LRRC1: variants seen among roughly 807,000 people sequenced by gnomAD.
LRRC1 encodes leucine rich repeat containing 1, also known as leucine-rich repeat-containing protein 1.
Under a neutral mutation model 69.9 loss-of-function variants are expected in LRRC1, and 28 were observed. The observed-to-expected ratio is 0.40, with a 90% CI of 0.30 to 0.55. The LOEUF is 0.55. Ranked by LOEUF, LRRC1 falls within the 20% of genes least tolerant of loss-of-function variation. The probability of loss-of-function intolerance (pLI) is 0.47; values close to 1 mark genes in which losing one functional copy is unlikely to be tolerated. For synonymous variants in LRRC1, 236 were observed against 240.2 expected, an observed-to-expected ratio of 0.98 and a Z score of 0.16; for missense variants, 498 against 609.0, an observed-to-expected ratio of 0.82 and a Z score of 1.92.
intron 1 of LRRC1, among the ~76,000 whole-genome samples, chr6:53,798,698 A>T (rs1460300902): frequency 1.3e-5 from 2 of 152,210 alleles, no homozygotes; most frequent in Admixed American, 1.3e-4. Flanking sequence ...TTCAGCACAG[A>T]ATCTCATCCT....
At chr6:53,893,661 C>G (rs1278482520) in intron 4 of LRRC1, among the ~76,000 whole-genome samples, 1 of 152,108 alleles carries the variant, frequency 6.6e-6, no homozygotes, top group Non-Finnish European at 1.5e-5. Flanking sequence ...CTAACAGTTC[C>G]AAGCATTTCA....
At position 53,874,349 on chromosome 6, in the gene LRRC1, A is replaced by G. The variant is rs546261156; in HGVS notation, c.278-4644A>G. On this transcript the variant is annotated intron_variant, in intron 2 of 13. Transcript: ENST00000370888. ...AGATTCAACTATAGATTTGACAGCT[A>G]TATATATATGATATATATATAATAT... Among the ~76,000 whole-genome samples the G allele has an allele frequency of 1.6e-3, 241 of 151,978 alleles. 2 individuals carry two copies. Among genetic ancestry groups the G allele is most frequent in the Middle Eastern group, 0.01 (3 of 294 alleles).
intron 1 of LRRC1, among the ~76,000 whole-genome samples, chr6:53,823,952 A>T (rs1765186425): frequency 6.6e-6 from 1 of 152,216 alleles, no homozygotes. Context: ...ACATGGACAT[A>T]CATTTGCATG....
intron 1 of LRRC1, among the ~76,000 whole-genome samples, chr6:53,809,179 A>G (rs960826290): frequency 6.6e-6 from 1 of 152,238 alleles, no homozygotes; most frequent in African/African-American, 2.4e-5. Flanking sequence ...TTCTCAAAGC[A>G]TATCAAGTGA....
At chr6:53,858,010 G>A (rs1253326209) in intron 2 of LRRC1, among the ~76,000 whole-genome samples, 1 of 152,230 alleles carries the variant, frequency 6.6e-6, no homozygotes, top group African/African-American at 2.4e-5. Context: ...TGGCATGGGT[G>A]TAAGCCATCC....
chr6:53,796,317 T>G (rs1416474212), intron 1 of LRRC1, among the ~76,000 whole-genome samples: 1 of 152,192 alleles, frequency 6.6e-6, no homozygotes, highest in Non-Finnish European at 1.5e-5. Context: ...GCGAACTTCT[T>G]TCAAGCTTGC....
chr6:53,912,361 G>T (rs973300114), intron 10 of LRRC1, among the ~76,000 whole-genome samples: 2 of 152,116 alleles, frequency 1.3e-5, no homozygotes, highest in Admixed American at 1.3e-4. Context: ...TCATTGGTAA[G>T]ATTTAAAAAG....
chr6:53,850,210 G>A (rs1034161236), intron 2 of LRRC1, among the ~76,000 whole-genome samples: 1 of 152,100 alleles, frequency 6.6e-6, no homozygotes, highest in African/African-American at 2.4e-5. Flanking sequence ...TGGTATAAAT[G>A]AAGTGCTCAT....
intron 9 of LRRC1, 36 bp downstream of exon 9, chr6:53,902,783 C>T: frequency 7.8e-7 from 1 of 1,286,986 alleles, no homozygotes; most frequent in Non-Finnish European, 1.1e-6. Context: ...TAAAGACTTA[C>T]TAGGGTAGAT....
At chr6:53,892,462 C>CT (rs2127434422) in intron 4 of LRRC1, among the ~76,000 whole-genome samples, 1 of 152,278 alleles carries the variant, frequency 6.6e-6, no homozygotes, top group East Asian at 1.9e-4. Context: ...CTCTGTCTCT[C>CT]TTGACCTTCT....
chr6:53,863,035 C>A (rs574294316), intron 2 of LRRC1, among the ~76,000 whole-genome samples: 2 of 152,336 alleles, frequency 1.3e-5, no homozygotes, highest in South Asian at 4.1e-4. Context: ...GTAAATAATT[C>A]TAAATCAAGC....
At chr6:53,875,767 A>G (rs1767046164) in intron 2 of LRRC1, among the ~76,000 whole-genome samples, 1 of 152,190 alleles carries the variant, frequency 6.6e-6, no homozygotes, top group South Asian at 2.1e-4. Context: ...TATTATTTAA[A>G]TGATTTGTTA....
intron 2 of LRRC1, among the ~76,000 whole-genome samples, chr6:53,865,615 G>A (rs957040867): frequency 3.9e-5 from 6 of 152,210 alleles, no homozygotes; most frequent in South Asian, 2.1e-4. Context: ...TAACATCAGC[G>A]ATGTGGCAGT....
chr6:53,830,354 A>G (rs1301186084), intron 1 of LRRC1, among the ~76,000 whole-genome samples: 3 of 152,276 alleles, frequency 2.0e-5, no homozygotes, highest in African/African-American at 7.2e-5. Context: ...TTCAGGACAT[A>G]GGAGTTGAGT....
rs554045975 is a variant in LRRC1, at chr6:53,878,713, T to C, written c.278-280T>C. ...CAGGTACTGGTTTGTAGCTCAGGGA[T>C]TGGGGACCCCTGCCATAGAACACTA... is the stretch of plus-strand genomic sequence containing the variant. On this transcript the variant is annotated intron_variant, in intron 2 of 13. Transcript: ENST00000370888. Among the ~76,000 whole-genome samples, 37 of 152,324 alleles carry C rather than the reference T, an allele frequency of 2.4e-4. No homozygotes were observed. In the South Asian group the frequency reaches 5.6e-3, roughly 23 times the overall value.
At chr6:53,824,135 T>G (rs72953156) in intron 1 of LRRC1, among the ~76,000 whole-genome samples, 5,640 of 152,158 alleles carry the variant, frequency 0.037, 263 homozygotes, top group East Asian at 0.25. Flanking sequence ...TTTTTTTTTT[T>G]TACAACCTCG....
rs529158676 is a variant in LRRC1 at position 53,827,890 on chromosome 6, T to A, written c.160-14220T>A. Among the ~76,000 whole-genome samples, 5 of 152,266 alleles carry A rather than the reference T, an allele frequency of 3.3e-5. No homozygotes were observed. The East Asian group carries it at 9.7e-4, about 29-fold the overall frequency. On this transcript the variant is annotated intron_variant, in intron 1 of 13. Transcript: ENST00000370888. ...TCAAAACCTACAAAAATGTTGATGG[T>A]GTTATTATTATGTGCCAGGTCATGA...
intron 2 of LRRC1, among the ~76,000 whole-genome samples, chr6:53,878,610 G>C (rs568904950): frequency 1.6e-3 from 238 of 152,290 alleles, no homozygotes; most frequent in African/African-American, 5.5e-3. Flanking sequence ...TGCAAGTGAT[G>C]GGGAGTGGCT....
At chr6:53,888,322 A>G (rs1248520874) in intron 4 of LRRC1, among the ~76,000 whole-genome samples, 2 of 152,230 alleles carry the variant, frequency 1.3e-5, no homozygotes, top group Non-Finnish European at 2.9e-5. Context: ...AATCAGTTAT[A>G]TTTTTATATA....
Sources: gnomAD v4.1 joint callset for allele counts (sites outside exome capture counted in the v4.1 genomes callset) on GRCh38, gnomAD v4.1.1 for gene constraint, MANE v1.5 for transcripts, NCBI Gene and HGNC (gene_info 2026-07-23, HGNC 2026-07-21) for gene names.